TATDN2: variants seen among roughly 807,000 people sequenced by gnomAD.
TATDN2 encodes the protein 3'-5' RNA nuclease TATDN2.
In TATDN2, 44 loss-of-function variants were observed where a neutral mutation model predicts 60.3. That is an observed-to-expected ratio of 0.73 (90% confidence interval 0.57 to 0.94). TATDN2 has a LOEUF of 0.94. Ranked by LOEUF, TATDN2 falls within the 40% of genes least tolerant of loss-of-function variation. TATDN2 has a pLI of 0.00. For missense variants in TATDN2, 997 were observed against 948.0 expected (o/e 1.05, Z -0.68); for synonymous variants, 399 against 355.8 (o/e 1.12, Z -1.37).
intron 2 of TATDN2, among the ~76,000 whole-genome samples, chr3:10,253,719 C>T (rs576602941): frequency 2.1e-3 from 313 of 152,296 alleles, no homozygotes; most frequent in African/African-American, 6.9e-3. Context: ...CCAAAAGTGT[C>T]GTGAAGTAGG....
rs148605414 is a variant in TATDN2 at position 10,275,041 on chromosome 3, A to G, written c.1834-1320A>G. ...TCTTGCTCTGTCCAGGCTGGAGTGC[A>G]GTGGCATGATCTCAGCTCACTGCAG... is the stretch of plus-strand genomic sequence containing the variant. On this transcript the variant is annotated intron_variant, in intron 4 of 7. Coordinates refer to ENST00000448281, the MANE Select transcript of TATDN2 (RefSeq NM_014760.4). Among the ~76,000 whole-genome samples, 398 of 145,222 alleles carry G rather than the reference A, an allele frequency of 2.7e-3. 5 individuals carry two copies. Among genetic ancestry groups the G allele is most frequent in the African/African-American group, 9.6e-3 (374 of 38,990 alleles).
At chr3:10,256,115 T>C (rs958312434) in intron 2 of TATDN2, among the ~76,000 whole-genome samples, 1 of 152,174 alleles carries the variant, frequency 6.6e-6, no homozygotes, top group African/African-American at 2.4e-5. Context: ...TCCCTTCCCT[T>C]ACCAGCTAAA....
At chr3:10,250,429 G>GCTCT (rs1434759864) in intron 2 of TATDN2, among the ~76,000 whole-genome samples, 7 of 151,966 alleles carry the variant, frequency 4.6e-5, no homozygotes, top group African/African-American at 1.7e-4. Flanking sequence ...AGATTTTGAA[G>GCTCT]GTCTGAGTCT....
Position 10,270,331 on chromosome 3 carries a change from C to T in TATDN2, c.1149C>T (p.Ala383=), listed in dbSNP as rs1242120396. Residue 383 remains alanine, a synonymous_variant, in exon 4 of 8, where the codon GCC becomes GCT. Coordinates refer to ENST00000448281, the MANE Select transcript of TATDN2 (RefSeq NM_014760.4). ...HLYSSPWCDY[A]SYWTSSPKPS... is the part of the protein sequence containing the mutation. The stretch of plus-strand genomic sequence containing the variant: ...ACAGTAGTCCTTGGTGTGACTACGC[C>T]AGCTATTGGACCAGCAGCCCCAAGC... The T allele has an allele frequency of 5.0e-6, 8 of 1,614,146 alleles. No individual in the cohort carries two copies. Among genetic ancestry groups the T allele is most frequent in the Admixed American group, 1.7e-5 (1 of 60,004 alleles).
intron 3 of TATDN2, among the ~76,000 whole-genome samples, chr3:10,263,585 A>G (rs1461562174): frequency 6.6e-6 from 1 of 151,966 alleles, no homozygotes; most frequent in Non-Finnish European, 1.5e-5. Flanking sequence ...TTCTACTGTC[A>G]TGCTTTTTAT....
rs1698666346 is a variant in TATDN2, at chr3:10,278,241, G to T, written c.1962-38G>T. On this transcript the variant is annotated intron_variant, in intron 5 of 7. Coordinates refer to ENST00000448281, the MANE Select transcript of TATDN2 (RefSeq NM_014760.4). The surrounding 1 kb of genome is among the most constrained non-coding windows in gnomAD (Gnocchi z 4.7). ...GGGGAGCTGGGGGCTGCTGCAGAGG[G>T]GACTGTGAGCAGCCCTGATGTGGAG... 3 of 1,594,884 alleles carry T rather than the reference G, an allele frequency of 1.9e-6. No homozygotes were observed. In the African/African-American group the frequency reaches 4.0e-5, roughly 21 times the overall value.
At chr3:10,263,194 C>A (rs1698432297) in intron 3 of TATDN2, among the ~76,000 whole-genome samples, 1 of 151,786 alleles carries the variant, frequency 6.6e-6, no homozygotes, top group Non-Finnish European at 1.5e-5. Context: ...CCACCGTGCC[C>A]AACCTGTATT....
chr3:10,262,619 T>A (rs1323209867), intron 3 of TATDN2, among the ~76,000 whole-genome samples: 1 of 136,550 alleles, frequency 7.3e-6, no homozygotes, highest in Non-Finnish European at 1.5e-5. Flanking sequence ...CACTGCAGCC[T>A]CCACTTCCTG....
rs1559458113 is a variant in TATDN2 at position 10,249,642 on chromosome 3, G to A, written c.414+28G>A. 2.7e-6 allele frequency: 4 copies of A among 1,498,826 alleles called. No homozygotes were observed. The East Asian group carries it at 7.2e-5, about 27-fold the overall frequency. 92.8% of individuals were successfully genotyped at this position (1,498,826 alleles called of 1,614,324 possible). On this transcript the variant is annotated intron_variant, in intron 2 of 7. Transcript: ENST00000448281. ...AGGTGGCTGCCACGCTTTGCAATCG[G>A]TGAAGCCCCTTCCACATGGCTTGAG...
chr3:10,267,399 A>G (rs1328783926), intron 3 of TATDN2, among the ~76,000 whole-genome samples: 1 of 152,176 alleles, frequency 6.6e-6, no homozygotes, highest in East Asian at 1.9e-4. Flanking sequence ...CATTTTTGAA[A>G]CTGCTTTTTT....
At chr3:10,272,182 G>A (rs1698576452) in intron 4 of TATDN2, among the ~76,000 whole-genome samples, 1 of 151,662 alleles carries the variant, frequency 6.6e-6, no homozygotes, top group Admixed American at 6.6e-5. Flanking sequence ...ACAGCTCACT[G>A]CAGCCTTGAC....
At chr3:10,259,196 C>T (rs1392020238) in intron 2 of TATDN2, among the ~76,000 whole-genome samples, 1 of 152,094 alleles carries the variant, frequency 6.6e-6, no homozygotes, top group Non-Finnish European at 1.5e-5. Flanking sequence ...GGGGTTTCGC[C>T]ATGTTGGCCA....
At chr3:10,251,568 T>C (rs962043972) in intron 2 of TATDN2, among the ~76,000 whole-genome samples, 1 of 151,970 alleles carries the variant, frequency 6.6e-6, no homozygotes, top group African/African-American at 2.4e-5. Flanking sequence ...GTATTTTTAG[T>C]GGAGATGGGG....
rs1336802868 is a variant in TATDN2 at position 10,270,612 on chromosome 3, A to G, written c.1430A>G (p.His477Arg). The G allele has an allele frequency of 2.5e-6, 4 of 1,614,120 alleles. No homozygotes were observed. Among genetic ancestry groups the G allele is most frequent in the Non-Finnish European group, 3.4e-6 (4 of 1,180,034 alleles). The change falls in exon 4 of 8, where the codon CAC becomes CGC. Residue 477 changes from histidine to arginine, a missense_variant. Transcript: ENST00000448281. Reference sequence around the variant, plus strand: ...ATGCCTCCGCGTCCTTGTGGAGGACACGCATCCAGCTCCCTGCCAAAGAGC... The same window carrying G: ...ATGCCTCCGCGTCCTTGTGGAGGACGCGCATCCAGCTCCCTGCCAAAGAGC... ...EEMPPRPCGG[H>R]ASSSLPKSHL...
rs1464351048 is a variant in TATDN2 at position 10,257,860 on chromosome 3, TTTTTTTTTTTTTTTTTG to T, written c.415-2276_415-2260del. Reference sequence around the variant, plus strand: ...TTTATGATTTTTTTTTTTTTTTTTTTTTTTTTTTTTTTTTTTGGGAGATGGAGTCTTACTCTGTAGCC... The same window carrying T: ...TTTATGATTTTTTTTTTTTTTTTTTTGGAGATGGAGTCTTACTCTGTAGCC... On this transcript the variant is annotated intron_variant, in intron 2 of 7. Coordinates refer to ENST00000448281, the MANE Select transcript of TATDN2 (RefSeq NM_014760.4). Among the ~76,000 whole-genome samples, 16 of 94,896 alleles carry T rather than the reference TTTTTTTTTTTTTTTTTG, an allele frequency of 1.7e-4. No individual in the cohort carries two copies. In the East Asian group the frequency reaches 3.6e-3, roughly 21 times the overall value. 62.3% of individuals were successfully genotyped at this position (94,896 alleles called of 152,430 possible). A position where few individuals can be genotyped will look rare whatever the true frequency, so the allele number is the denominator to read the frequency against.
intron 3 of TATDN2, among the ~76,000 whole-genome samples, chr3:10,261,079 CAG>C (rs765214303): frequency 6.6e-6 from 1 of 152,178 alleles, no homozygotes; most frequent in African/African-American, 2.4e-5. Context: ...TGATAGGACT[CAG>C]GGTTTGTTAT....
At position 10,278,265 on chromosome 3, in the gene TATDN2, A is replaced by C; in HGVS notation, c.1962-14A>C. 6.2e-7 allele frequency: 1 copy of C among 1,610,810 alleles called. No individual in the cohort carries two copies. The highest frequency in any genetic ancestry group is 8.5e-7 in the Non-Finnish European group (1 of 1,177,984). ...GGGACTGTGAGCAGCCCTGATGTGG[A>C]GTTCTGTCTCCAGGCATTGCTTCAC... is the stretch of plus-strand genomic sequence containing the variant. On this transcript the variant is annotated splice_polypyrimidine_tract_variant and intron_variant, in intron 5 of 7. Coordinates refer to ENST00000448281, the MANE Select transcript of TATDN2 (RefSeq NM_014760.4). This position sits in a 1 kb window ranked among gnomAD's most constrained non-coding sequence, Gnocchi z 4.7.
chr3:10,259,093 A>G (rs1352320693), intron 2 of TATDN2, among the ~76,000 whole-genome samples: 1 of 152,146 alleles, frequency 6.6e-6, no homozygotes, highest in Non-Finnish European at 1.5e-5. Context: ...GCTGGTCTTG[A>G]ACTCCTGAGC....
rs767073634 is a variant in TATDN2, at chr3:10,249,378, G to A, written c.178G>A (p.Glu60Lys). The change falls in exon 2 of 8, where the codon GAG (glutamate) becomes AAG (lysine). Residue 60 changes from glutamate (E) to lysine (K), a missense_variant. Coordinates refer to ENST00000448281, the MANE Select transcript of TATDN2 (RefSeq NM_014760.4). Reference sequence around the variant, plus strand: ...CCCCAAGCGCCTGAAAGCCCAGAAGGAGGACGATGTGGCTTGCTCGCGGAG... The same window carrying A: ...CCCCAAGCGCCTGAAAGCCCAGAAGAAGGACGATGTGGCTTGCTCGCGGAG... Reference protein sequence around the residue: ...SSPKRLKAQKEDDVACSRRLS... With the variant: ...SSPKRLKAQKKDDVACSRRLS... The A allele has an allele frequency of 2.5e-6, 4 of 1,613,390 alleles. No individual in the cohort carries two copies. Among genetic ancestry groups the A allele is most frequent in the South Asian group, 2.2e-5 (2 of 90,982 alleles).
Sources: gnomAD v4.1 joint callset for allele counts (sites outside exome capture counted in the v4.1 genomes callset) on GRCh38, gnomAD v4.1.1 for gene constraint, Gnocchi (gnomAD v3.1) non-coding constraint, MANE v1.5 for transcripts, NCBI Gene and HGNC (gene_info 2026-07-23, HGNC 2026-07-21) for gene names.